ELAC2: variants seen among roughly 807,000 people sequenced by gnomAD.
The protein encoded by ELAC2 is zinc phosphodiesterase ELAC protein 2.
Under a neutral mutation model 105.2 loss-of-function variants are expected in ELAC2, and 92 were observed. The observed-to-expected ratio is 0.87, with a 90% confidence interval of 0.74 to 1.04. The LOEUF is 1.04. Among genes scored for constraint, ELAC2 ranks in the 50% least tolerant of loss-of-function variants. The pLI, the probability that ELAC2 is intolerant of heterozygous loss-of-function variation, is 0.00. For synonymous variants in ELAC2, 468 were observed against 409.1 expected, an observed-to-expected ratio of 1.14 and a Z score of -1.74; for missense variants, 1,099 against 1,071.7, an observed-to-expected ratio of 1.03 and a Z score of -0.36.
rs759586538 is a variant in ELAC2 at position 13,002,595 on chromosome 17, C to G, written c.1080-16G>C. The G allele has an allele frequency of 1.7e-5, 27 of 1,590,046 alleles. No homozygotes were observed. Among genetic ancestry groups the G allele is most frequent in the Non-Finnish European group, 2.2e-5 (26 of 1,166,370 alleles). On this transcript the variant is annotated splice_polypyrimidine_tract_variant and intron_variant, in intron 12 of 23. Transcript: ENST00000338034. ...AGGCCCAAACCTGTGAAGAAACAGA[C>G]CCGGCATTTGCAGCGTCTGTTAGGA...
intron 14 of ELAC2, 139 bp from the exon 15 acceptor site, chr17:13,000,413 T>A: frequency 2.4e-6 from 2 of 821,794 alleles, no homozygotes; most frequent in Non-Finnish European, 4.1e-6. Context: ...GTTAAGTGAC[T>A]AGGATCTGGG....
At chr17:13,017,596 A>C in intron 1 of ELAC2, 107 bp downstream of exon 1, 1 of 1,570,132 alleles carries the variant, frequency 6.4e-7, no homozygotes, top group Non-Finnish European at 8.6e-7. Flanking sequence ...GCAACAGTGA[A>C]CCACATGTGT....
chr17:13,008,804 G>A (rs1240037719), intron 8 of ELAC2, among the ~76,000 whole-genome samples: 1 of 152,088 alleles, frequency 6.6e-6, no homozygotes, highest in Non-Finnish European at 1.5e-5. Context: ...TTAATTAGAA[G>A]AGGGGAAAGG....
Position 12,993,813 on chromosome 17 carries a change from G to A in ELAC2, c.2127C>T (p.Ile709=), listed in dbSNP as rs1374237274. 2 of 1,614,204 alleles carry A rather than the reference G, an allele frequency of 1.2e-6. No homozygotes were observed. Among genetic ancestry groups the A allele is most frequent in the East Asian group, 4.5e-5 (2 of 44,884 alleles). ...EKTHSTTSQA[I]SVGMRMNAEF... ...CCGCGTTCATCCGCATCCCCACGCT[G>A]ATGGCTTGGGACGTTGTGCTGCAGG... The change falls in exon 23 of 24, where the codon ATC becomes ATT. Residue 709 remains isoleucine, a synonymous_variant. Transcript: ENST00000338034.
chr17:12,991,866 T>TACTTAC lies in ELAC2; in HGVS notation c.*951_*952insGTAAGT, dbSNP rs2040179738. On this transcript the variant is annotated 3_prime_UTR_variant, in exon 24 of 24. Transcript: ENST00000338034. ...GATTCAACTTACTTACTTACTTACT[T>TACTTAC]ACTTTACTTACTTACTTCCTTGGAA... 7.9e-6 allele frequency among the ~76,000 whole-genome samples: 1 copy of TACTTAC among 126,800 alleles called. No individual in the cohort carries two copies. The highest frequency in any genetic ancestry group is 2.6e-4 in the South Asian group (1 of 3,854). The allele number at this position is 126,800 out of a possible 152,430, so 83.2% of individuals were successfully genotyped here.
Position 12,995,737 on chromosome 17 carries a change from G to C in ELAC2, c.1774C>G (p.His592Asp). 1 of 1,612,822 alleles carries C rather than the reference G, an allele frequency of 6.2e-7. No homozygotes were observed. The highest frequency in any genetic ancestry group is 8.5e-7 in the Non-Finnish European group (1 of 1,179,542). ...TGCAGGACCTCCTGGCACTGGTTGT[G>C]GTACTGCTGGAGCCAGGCTTTGAGC... Reference protein sequence around the residue: ...NQLKAWLQQYHNQCQEVLHHI... With the variant: ...NQLKAWLQQYDNQCQEVLHHI... The change falls in exon 19 of 24, where the codon CAC becomes GAC. Residue 592 changes from histidine to aspartate, a missense_variant. His to Asp is a moderately conservative substitution (Grantham distance 81). Coordinates refer to ENST00000338034, the MANE Select transcript of ELAC2 (RefSeq NM_018127.7).
At chr17:13,010,106 A>G (rs912877679) in intron 8 of ELAC2, among the ~76,000 whole-genome samples, 3 of 152,200 alleles carry the variant, frequency 2.0e-5, no homozygotes, top group Non-Finnish European at 4.4e-5. Flanking sequence ...GAAACCTACA[A>G]GTGATGACAA....
At chr17:13,013,017 A>G (rs1010530326) in intron 6 of ELAC2, among the ~76,000 whole-genome samples, 190 bp downstream of exon 6, 1 of 152,260 alleles carries the variant, frequency 6.6e-6, no homozygotes, top group African/African-American at 2.4e-5. Context: ...ATCATTAGGC[A>G]TAAGTCAGAC....
rs779607134 is a variant in ELAC2, at chr17:13,014,484, C to G, written c.445G>C (p.Glu149Gln). The part of the protein sequence containing the change: ...SGPPQLEKYL[E>Q]AIKIFSGPLK... The stretch of plus-strand genomic sequence containing the variant: ...GGACCAGAAAATATTTTGATTGCTT[C>G]GAGGTATTTTTCCTAATGAAAAACA... The change falls in exon 5 of 24, where the codon GAA becomes CAA. Residue 149 changes from glutamate (E) to glutamine (Q), a missense_variant. Glu to Gln is a conservative substitution (Grantham distance 29, BLOSUM62 2). Transcript: ENST00000338034. The G allele has an allele frequency of 6.2e-7, 1 of 1,613,358 alleles. No homozygotes were observed. The highest frequency in any genetic ancestry group is 1.1e-5 in the South Asian group (1 of 91,060).
chr17:13,017,583 C>T, intron 1 of ELAC2, 120 bp downstream of exon 1: 1 of 1,534,460 alleles, frequency 6.5e-7, no homozygotes, highest in East Asian at 2.3e-5. Context: ...TCCACGAACC[C>T]CCGCAACAGT....
rs913207452 is a variant in ELAC2 at position 12,995,051 on chromosome 17, G to A, written c.1820C>T (p.Ala607Val). The A allele has an allele frequency of 4.3e-6, 7 of 1,614,110 alleles. No individual in the cohort carries two copies. Among genetic ancestry groups the A allele is most frequent in the Non-Finnish European group, 5.1e-6 (6 of 1,179,994 alleles). ...CTCAGCCCCTTCCTGAAGGCATTTG[G>A]CAGGAATCATACTGTAAAAAGACAA... is the stretch of plus-strand genomic sequence containing the variant. The part of the protein sequence containing the change: ...EVLHHISMIP[A>V]KCLQEGAEIS... The change falls in exon 20 of 24, where the codon GCC (alanine) becomes GTC (valine). Residue 607 changes from alanine (A) to valine (V), a missense_variant. Ala to Val is a moderately conservative substitution (Grantham distance 64). Transcript: ENST00000338034.
chr17:13,017,561 A>G (rs766060219), intron 1 of ELAC2, 142 bp downstream of exon 1: 115 of 1,433,838 alleles, frequency 8.0e-5, no homozygotes, highest in Non-Finnish European at 1.1e-4. Flanking sequence ...CGGATTTCCC[A>G]CCCACCATAA....
chr17:13,002,457 G>A lies in ELAC2; in HGVS notation c.1202C>T (p.Thr401Ile), dbSNP rs1207166603. 3 of 1,612,088 alleles carry A rather than the reference G, an allele frequency of 1.9e-6. No homozygotes were observed. The highest frequency in any genetic ancestry group is 2.7e-5 in the African/African-American group (2 of 75,028). ...LIHPDIFPLL[T>I]SFRCKKEGPT... is the part of the protein sequence containing the mutation. ...AGACACTACCTTACAGCGGAAACTGGTGAGCAGGGGGAAGATGTCCGGGTG... is the reference window on the plus strand; with the variant it reads ...AGACACTACCTTACAGCGGAAACTGATGAGCAGGGGGAAGATGTCCGGGTG... Residue 401 changes from threonine (T) to isoleucine (I), a missense_variant, in exon 13 of 24, where the codon ACC (threonine) becomes ATC (isoleucine). Physicochemically the swap from Thr to Ile is moderately conservative, Grantham distance 89. Transcript: ENST00000338034.
At chr17:12,994,375 G>A (rs752085443) in intron 22 of ELAC2, 50 bp downstream of exon 22, 7 of 1,601,416 alleles carry the variant, frequency 4.4e-6, no homozygotes, top group African/African-American at 1.3e-5. Flanking sequence ...GTGTCACGTA[G>A]TGGGGGAGGG....
intron 15 of ELAC2, 59 bp from the exon 16 acceptor site, chr17:12,998,567 C>T: frequency 6.8e-7 from 1 of 1,464,718 alleles, no homozygotes; most frequent in Non-Finnish European, 9.6e-7. Context: ...AGCCAGCATG[C>T]AGCCATGAGA....
In ELAC2 at chr17:13,015,663, G is replaced by A. The variant is rs10521207; in HGVS notation, c.432+105C>T. The A allele has an allele frequency of 0.041, 37,501 of 910,878 alleles. 912 individuals carry two copies. The highest frequency in any genetic ancestry group is 0.066 in the African/African-American group (4,034 of 60,754). 56.4% of individuals were successfully genotyped at this position (910,878 alleles called of 1,614,324 possible). On this transcript the variant is annotated intron_variant, in intron 4 of 23. Coordinates refer to ENST00000338034, the MANE Select transcript of ELAC2 (RefSeq NM_018127.7). ...GAAAGGGGAAGCGTTTCAACGACCA[G>A]GTATCTCTGGAGGGCAGAAGACTGA...
rs936709459 is a variant in ELAC2, at chr17:13,011,915, CTAGT to C, written c.560-137_560-134del. On this transcript the variant is annotated intron_variant, in intron 6 of 23. Transcript: ENST00000338034. ...CCTTTTACTATACAGTAGGAAATAA[CTAGT>C]TAGTTAACTTCCTACCTGGTTTCTG... 2.4e-5 allele frequency: 34 copies of C among 1,402,954 alleles called. No individual in the cohort carries two copies. In the African/African-American group the frequency reaches 3.8e-4, roughly 16 times the overall value. The allele number at this position is 1,402,954 out of a possible 1,614,324, so 86.9% of individuals were successfully genotyped here.
rs2040576717 is a variant in ELAC2, at chr17:12,998,342, A to G, written c.1520+70T>C. On this transcript the variant is annotated intron_variant, in intron 16 of 23. Transcript: ENST00000338034. ...CCGCATTTCAAATCGACTGGTGAGT[A>G]CAGCAGGACTTTTGTTTAAAAAGTA... 2.1e-6 allele frequency: 3 copies of G among 1,426,374 alleles called. No individual in the cohort carries two copies. The South Asian group carries it at 3.5e-5, about 16-fold the overall frequency. 88.4% of individuals were successfully genotyped at this position (1,426,374 alleles called of 1,614,324 possible). A position where few individuals can be genotyped will look rare whatever the true frequency, so the allele number is the denominator to read the frequency against.
chr17:13,014,611 T>C, intron 4 of ELAC2, 115 bp from the exon 5 acceptor site: 5 of 797,230 alleles, frequency 6.3e-6, no homozygotes, highest in South Asian at 4.1e-5. Flanking sequence ...GCTTAGTAAA[T>C]ATTTTGAACA....
Sources: gnomAD v4.1 joint callset for allele counts (sites outside exome capture counted in the v4.1 genomes callset) on GRCh38, gnomAD v4.1.1 for gene constraint, MANE v1.5 for transcripts, NCBI Gene and HGNC (gene_info 2026-07-23, HGNC 2026-07-21) for gene names.